Variants in DYNLT2B observed in about 807,000 individuals in gnomAD.
DYNLT2B encodes the protein dynein light chain Tctex-type protein 2B.
A neutral mutation model predicts 19.5 loss-of-function variants in DYNLT2B; 14 were observed. That is an observed-to-expected ratio of 0.72 (90% CI 0.47 to 1.12). The LOEUF (loss-of-function observed/expected upper bound fraction) is 1.12. Among genes scored for constraint, DYNLT2B ranks in the 50% most tolerant of loss-of-function variants. The pLI, the probability that DYNLT2B is intolerant of heterozygous loss-of-function variation, is 0.00. For synonymous variants in DYNLT2B, 70 were observed against 59.7 expected (o/e 1.17, Z -0.79); for missense variants, 133 against 174.7 (o/e 0.76, Z 1.35).
In DYNLT2B at chr3:196,318,089, C is replaced by A; in HGVS notation, c.64G>T (p.Ala22Ser). 1 of 1,567,460 alleles carries A rather than the reference C, an allele frequency of 6.4e-7. No individual in the cohort carries two copies. Among genetic ancestry groups the A allele is most frequent in the Non-Finnish European group, 8.6e-7 (1 of 1,161,500 alleles). The change falls in exon 1 of 5, where the codon GCA (alanine) becomes TCA (serine). Residue 22 changes from alanine to serine, a missense_variant. By Grantham distance (99) the Ala-to-Ser change is moderately conservative. Coordinates refer to ENST00000325318, the MANE Select transcript of DYNLT2B (RefSeq NM_152773.5). ...ATATAGGTGTTCTCGGGCTCCCCTG[C>A]GTTCTTCTCAGCCTCAGGCACCCCG... ...GDGVPEAEKN[A>S]GEPENTYILR...
At chr3:196,300,526 T>C (rs995499595) in intron 3 of DYNLT2B, among the ~76,000 whole-genome samples, 1 of 152,006 alleles carries the variant, frequency 6.6e-6, no homozygotes, top group African/African-American at 2.4e-5. Context: ...GGTCAGGAGT[T>C]TGAGACCAGC....
intron 3 of DYNLT2B, among the ~76,000 whole-genome samples, chr3:196,304,430 G>A (rs1287423632): frequency 2.0e-5 from 3 of 152,048 alleles, no homozygotes; most frequent in African/African-American, 7.2e-5. Context: ...ACTGCACCTG[G>A]CCAAAAACTG....
chr3:196,307,300 CTTTT>C (rs971346270), intron 2 of DYNLT2B, among the ~76,000 whole-genome samples: 8 of 151,884 alleles, frequency 5.3e-5, no homozygotes, highest in Non-Finnish European at 8.8e-5. Flanking sequence ...ATAGTAGTAT[CTTTT>C]TTTTGTTTTG....
chr3:196,293,172 A>G (rs1267451583), intron 4 of DYNLT2B, among the ~76,000 whole-genome samples: 1 of 151,982 alleles, frequency 6.6e-6, no homozygotes, highest in Non-Finnish European at 1.5e-5. Context: ...TTTATTACAT[A>G]TTTGTTCATT....
chr3:196,301,297 T>C (rs1256215225), intron 3 of DYNLT2B, among the ~76,000 whole-genome samples: 3 of 152,174 alleles, frequency 2.0e-5, no homozygotes, highest in Non-Finnish European at 2.9e-5. Context: ...TTTTAAGCAA[T>C]ATCTAAGATT....
chr3:196,291,841 G>C (rs1400220146), intron 4 of DYNLT2B, among the ~76,000 whole-genome samples: 2 of 152,176 alleles, frequency 1.3e-5, no homozygotes, highest in African/African-American at 2.4e-5. Context: ...CCAGAGTATA[G>C]CTACACTATT....
At position 196,296,102 on chromosome 3, in the gene DYNLT2B, A is replaced by G. The variant is rs757308792; in HGVS notation, c.318-33T>C. On this transcript the variant is annotated intron_variant, in intron 3 of 4. Transcript: ENST00000325318. ...ATCCAAGAATGAAGAATTATCAACAATCTAACAAGGACCTAAACGACACAT... is the reference window on the plus strand; with the variant it reads ...ATCCAAGAATGAAGAATTATCAACAGTCTAACAAGGACCTAAACGACACAT... 9 of 1,591,844 alleles carry G rather than the reference A, an allele frequency of 5.7e-6. No homozygotes were observed. The South Asian group carries it at 8.8e-5, about 16-fold the overall frequency.
chr3:196,301,526 A>G lies in DYNLT2B; in HGVS notation c.317+5417T>C, dbSNP rs535529366. Among the ~76,000 whole-genome samples the G allele has an allele frequency of 2.8e-4, 42 of 152,252 alleles. 1 individual carries two copies. The highest frequency in any genetic ancestry group is 9.6e-4 in the African/African-American group (40 of 41,552). On this transcript the variant is annotated intron_variant, in intron 3 of 4. Coordinates refer to ENST00000325318, the MANE Select transcript of DYNLT2B (RefSeq NM_152773.5). ...TCAGGAGTTCCAGATAAGCCTGGTC[A>G]ACATGGTGAAATCCTGTCACTACTA... is the stretch of plus-strand genomic sequence containing the variant.
At chr3:196,304,318 A>G (rs1726431188) in intron 3 of DYNLT2B, among the ~76,000 whole-genome samples, 1 of 152,010 alleles carries the variant, frequency 6.6e-6, no homozygotes, top group Admixed American at 6.6e-5. Context: ...ATTTTAGTAG[A>G]GACAGGGTTT....
At chr3:196,308,176 C>A (rs570699969) in intron 2 of DYNLT2B, among the ~76,000 whole-genome samples, 1 of 151,562 alleles carries the variant, frequency 6.6e-6, no homozygotes, top group South Asian at 2.1e-4. Context: ...ATCAGGAACA[C>A]AGAGCCAGTG....
intron 2 of DYNLT2B, among the ~76,000 whole-genome samples, chr3:196,315,643 C>A (rs531303478): frequency 1.3e-5 from 2 of 151,818 alleles, no homozygotes; most frequent in East Asian, 2.0e-4. Context: ...GAGGCCGAGG[C>A]GGGTGGATTA....
At position 196,318,048 on chromosome 3, in the gene DYNLT2B, G is replaced by A; in HGVS notation, c.105C>T (p.Phe35=). The A allele has an allele frequency of 1.3e-6, 2 of 1,533,344 alleles. No homozygotes were observed. The highest frequency in any genetic ancestry group is 1.8e-6 in the Non-Finnish European group (2 of 1,141,782). The allele number at this position is 1,533,344 out of a possible 1,614,324, so 95.0% of individuals were successfully genotyped here. The change falls in exon 1 of 5, where the codon TTC becomes TTT. Residue 35 remains phenylalanine (F), a synonymous_variant. Coordinates refer to ENST00000325318, the MANE Select transcript of DYNLT2B (RefSeq NM_152773.5). ...PENTYILRPV[F]QQRFRPSVVK... Reference sequence around the variant, plus strand: ...GCCCGTCCTCTACCCGCCTCTGCTGGAAAACAGGCCGCAGAATATAGGTGT... The same window carrying A: ...GCCCGTCCTCTACCCGCCTCTGCTGAAAAACAGGCCGCAGAATATAGGTGT...
chr3:196,316,502 C>T (rs1358001106), intron 1 of DYNLT2B, among the ~76,000 whole-genome samples: 1 of 152,056 alleles, frequency 6.6e-6, no homozygotes, highest in Non-Finnish European at 1.5e-5. Flanking sequence ...GCTTCTCATA[C>T]TCCCCTCTCC....
chr3:196,317,154 AGTGTGTGTGTGT>A (rs199908321), intron 1 of DYNLT2B, among the ~76,000 whole-genome samples: 4 of 34,950 alleles, frequency 1.1e-4, no homozygotes, highest in African/African-American at 2.4e-4. Context: ...ATTTTTTTTC[AGTGTGTGTGTGT>A]GTGTGTGTGT....
intron 4 of DYNLT2B, among the ~76,000 whole-genome samples, chr3:196,294,757 A>C (rs928816779): frequency 6.6e-6 from 1 of 151,882 alleles, no homozygotes; most frequent in Non-Finnish European, 1.5e-5. Context: ...AATTTTTGAG[A>C]CAGAGTCTTG....
At chr3:196,298,612 A>T (rs1340667244) in intron 3 of DYNLT2B, among the ~76,000 whole-genome samples, 1 of 151,844 alleles carries the variant, frequency 6.6e-6, no homozygotes, top group Admixed American at 6.6e-5. Context: ...GAAAAAGTGT[A>T]ATGGTACAGT....
At chr3:196,293,668 C>G (rs1485151283) in intron 4 of DYNLT2B, among the ~76,000 whole-genome samples, 1 of 112,036 alleles carries the variant, frequency 8.9e-6, no homozygotes, top group Non-Finnish European at 1.8e-5. Context: ...TTTTTTGAGA[C>G]AGAGTCTCGC....
intron 4 of DYNLT2B, among the ~76,000 whole-genome samples, chr3:196,293,627 A>AAACT (rs994896533): frequency 1.4e-5 from 1 of 71,936 alleles, no homozygotes; most frequent in African/African-American, 4.0e-5. Context: ...CTCCGTCTCA[A>AAACT]AACAAACAAA....
intron 3 of DYNLT2B, among the ~76,000 whole-genome samples, chr3:196,302,351 G>A (rs1245838002): frequency 2.0e-5 from 3 of 152,148 alleles, no homozygotes; most frequent in East Asian, 1.9e-4. Flanking sequence ...AGAAATGGCT[G>A]AATTGTAGGG....
Sources: allele counts gnomAD v4.1 joint callset (sites outside exome capture counted in the v4.1 genomes callset), GRCh38; gene constraint gnomAD v4.1.1; transcripts MANE v1.5; gene names NCBI Gene and HGNC (gene_info 2026-07-23, HGNC 2026-07-21).